CTNNA2: variants seen among roughly 807,000 people sequenced by gnomAD.
The protein encoded by CTNNA2 is catenin alpha-2.
A neutral mutation model predicts 101.0 loss-of-function variants in CTNNA2; 42 were observed. That is an observed-to-expected ratio of 0.42 (90% CI 0.32 to 0.54). CTNNA2 has a LOEUF of 0.54. CTNNA2 is among the 20% of genes least tolerant of loss of function. The probability of loss-of-function intolerance (pLI) is 0.14; values close to 1 mark genes in which losing one functional copy is unlikely to be tolerated. For missense variants in CTNNA2, 871 were observed against 1,223.1 expected (o/e 0.71, Z 4.29); for synonymous variants, 450 against 456.4 (o/e 0.99, Z 0.18).
intron 18 of CTNNA2, among the ~76,000 whole-genome samples, chr2:80,624,608 G>A (rs1671487156): frequency 1.3e-5 from 2 of 151,926 alleles, no homozygotes; most frequent in Admixed American, 1.3e-4. Context: ...TAATTGCTTT[G>A]CATACAACGT....
intron 7 of CTNNA2, among the ~76,000 whole-genome samples, chr2:80,260,009 G>A (rs139694896): frequency 2.9e-3 from 446 of 152,286 alleles, no homozygotes; most frequent in Non-Finnish European, 5.5e-3. Flanking sequence ...TCCAGGTACT[G>A]TGTTGATTAG....
At position 80,167,766 on chromosome 2, in the gene CTNNA2, T is replaced by C. The variant is rs75151785; in HGVS notation, c.1057-225445T>C. ...TTAGTTGTAATGCACGGATTTTTTTTCCATCATTTCACTAATGCATTCAGC... is the reference window on the plus strand; with the variant it reads ...TTAGTTGTAATGCACGGATTTTTTTCCCATCATTTCACTAATGCATTCAGC... On this transcript the variant is annotated intron_variant, in intron 7 of 18. Coordinates refer to ENST00000402739, the MANE Select transcript of CTNNA2 (RefSeq NM_001282597.3). 6.2e-3 allele frequency among the ~76,000 whole-genome samples: 944 copies of C among 152,298 alleles called. 2 individuals carry two copies. The highest frequency in any genetic ancestry group is 0.021 in the African/African-American group (871 of 41,550).
At chr2:80,538,337 C>T (rs932752992) in intron 9 of CTNNA2, among the ~76,000 whole-genome samples, 32 of 152,088 alleles carry the variant, frequency 2.1e-4, no homozygotes, top group Non-Finnish European at 3.4e-4. Context: ...AGGTTTTCTT[C>T]TAGGGTTTTT....
At chr2:79,579,135 C>T (rs1217753848) in intron 1 of CTNNA2, among the ~76,000 whole-genome samples, 1 of 147,024 alleles carries the variant, frequency 6.8e-6, no homozygotes, top group Non-Finnish European at 1.5e-5. Context: ...CCTTGTCTTT[C>T]CTTCCTTCCT....
intron 3 of CTNNA2, among the ~76,000 whole-genome samples, chr2:79,362,271 G>A (rs1281678196): frequency 6.6e-6 from 1 of 151,914 alleles, no homozygotes; most frequent in Non-Finnish European, 1.5e-5. Flanking sequence ...TCCAGCTCAC[G>A]GTCATAGCTT....
At chr2:80,643,356 C>T (rs1314291058) in intron 18 of CTNNA2, among the ~76,000 whole-genome samples, 1 of 152,072 alleles carries the variant, frequency 6.6e-6, no homozygotes, top group Non-Finnish European at 1.5e-5. Flanking sequence ...TTCTAAGTCT[C>T]AATTGGTCAA....
intron 7 of CTNNA2, among the ~76,000 whole-genome samples, chr2:79,946,114 C>A (rs1226745659): frequency 6.6e-6 from 1 of 152,036 alleles, no homozygotes; most frequent in Non-Finnish European, 1.5e-5. Context: ...GTGGTCAGAG[C>A]CCCCTGCATC....
intron 6 of CTNNA2, among the ~76,000 whole-genome samples, chr2:79,874,708 T>G (rs1211755300): frequency 6.6e-6 from 1 of 152,044 alleles, no homozygotes; most frequent in Non-Finnish European, 1.5e-5. Context: ...CTCGGGAGGC[T>G]GCGGCAGGAG....
chr2:79,688,239 A>G (rs566888782), intron 2 of CTNNA2, among the ~76,000 whole-genome samples: 8 of 152,242 alleles, frequency 5.3e-5, no homozygotes, highest in African/African-American at 1.9e-4. Context: ...CTTAAGCCAA[A>G]AAATATCAGT....
intron 1 of CTNNA2, among the ~76,000 whole-genome samples, chr2:79,566,464 C>G (rs1675119387): frequency 6.6e-6 from 1 of 151,650 alleles, no homozygotes; most frequent in African/African-American, 2.4e-5. Flanking sequence ...TGTTGCCAAA[C>G]AAAGTGGCTC....
chr2:79,465,004 A>G (rs1001025375), intron 4 of CTNNA2, among the ~76,000 whole-genome samples: 3 of 152,070 alleles, frequency 2.0e-5, no homozygotes, highest in African/African-American at 7.2e-5. Flanking sequence ...CCCATTTGTC[A>G]ATTTTGGCTT....
chr2:80,367,206 A>G (rs1022623305), intron 7 of CTNNA2, among the ~76,000 whole-genome samples: 7 of 152,078 alleles, frequency 4.6e-5, no homozygotes, highest in African/African-American at 1.4e-4. Context: ...AAAAACGGAA[A>G]ACAAAATACT....
Position 79,807,854 on chromosome 2 carries a change from TG to T in CTNNA2, c.299-50157del, listed in dbSNP as rs1676700670. 1.3e-5 allele frequency among the ~76,000 whole-genome samples: 2 copies of T among 152,182 alleles called. 1 individual carries two copies. Among genetic ancestry groups the T allele is most frequent in the South Asian group, 4.1e-4 (2 of 4,832 alleles). On this transcript the variant is annotated intron_variant, in intron 3 of 18. Transcript: ENST00000402739. Reference sequence around the variant, plus strand: ...AGAGGAAAATTATAGTCTTCTAGTATGGTAACTGGATTTCCTGTCGATTTAC... The same window carrying T: ...AGAGGAAAATTATAGTCTTCTAGTATGTAACTGGATTTCCTGTCGATTTAC...
chr2:79,357,024 C>T (rs1284386669), intron 3 of CTNNA2, among the ~76,000 whole-genome samples: 3 of 152,054 alleles, frequency 2.0e-5, no homozygotes, highest in Non-Finnish European at 4.4e-5. Flanking sequence ...AATACAATAA[C>T]TGAAATTAAA....
At chr2:80,013,744 G>A (rs796948827) in intron 7 of CTNNA2, among the ~76,000 whole-genome samples, 1 of 152,138 alleles carries the variant, frequency 6.6e-6, no homozygotes, top group African/African-American at 2.4e-5. Context: ...CCCACATTAC[G>A]TGTACATGCT....
chr2:80,009,517 C>G (rs1189881196), intron 7 of CTNNA2, among the ~76,000 whole-genome samples: 1 of 152,056 alleles, frequency 6.6e-6, no homozygotes, highest in Admixed American at 6.6e-5. Context: ...TCGCAATATT[C>G]CCAAAACACA....
intron 4 of CTNNA2, among the ~76,000 whole-genome samples, chr2:79,434,175 G>A (rs1487245903): frequency 6.6e-6 from 1 of 151,698 alleles, no homozygotes; most frequent in African/African-American, 2.4e-5. Flanking sequence ...GTGCATTCCT[G>A]TAGTTCCTGC....
At chr2:80,631,937 G>C (rs1662414303) in intron 18 of CTNNA2, among the ~76,000 whole-genome samples, 1 of 151,986 alleles carries the variant, frequency 6.6e-6, no homozygotes, top group Admixed American at 6.6e-5. Context: ...AGATCTAATT[G>C]GTTGGGAGGG....
At chr2:80,043,016 TCC>T (rs772487032) in intron 7 of CTNNA2, among the ~76,000 whole-genome samples, 1 of 147,694 alleles carries the variant, frequency 6.8e-6, no homozygotes, top group African/African-American at 2.6e-5. Context: ...TTCCTTTCTT[TCC>T]CTTTCTTTCT....
Sources: gnomAD v4.1 joint callset for allele counts (sites outside exome capture counted in the v4.1 genomes callset) on GRCh38, gnomAD v4.1.1 for gene constraint, MANE v1.5 for transcripts, NCBI Gene and HGNC (gene_info 2026-07-23, HGNC 2026-07-21) for gene names.